Variants in FAT1 observed in about 807,000 individuals in gnomAD.
The protein encoded by FAT1 is FAT atypical cadherin 1.
Under a neutral mutation model 329.8 loss-of-function variants are expected in FAT1, and 171 were observed. The ratio of observed to expected loss-of-function variants is 0.52; its 90% CI spans 0.46 to 0.59. The LOEUF (loss-of-function observed/expected upper bound fraction) is 0.59, where lower values mean the gene tolerates loss of function less well. FAT1 is among the 20% of genes least tolerant of loss of function. The pLI is 0.00. For missense variants in FAT1, 5,672 were observed against 5,774.4 expected (o/e 0.98, Z 0.57); for synonymous variants, 2,233 against 2,228.6 (o/e 1.00, Z -0.06).
At chr4:186,640,578 TA>T (rs1464056411) in intron 3 of FAT1, among the ~76,000 whole-genome samples, 3 of 152,192 alleles carry the variant, frequency 2.0e-5, no homozygotes, top group Non-Finnish European at 2.9e-5. Flanking sequence ...AGAACTGTTA[TA>T]AAAAGTAATG....
At chr4:186,686,394 AAT>A (rs1440790818) in intron 2 of FAT1, among the ~76,000 whole-genome samples, 1 of 152,172 alleles carries the variant, frequency 6.6e-6, no homozygotes, top group Non-Finnish European at 1.5e-5. Context: ...TGAAGAATAA[AAT>A]ATGTGTCAAT....
At chr4:186,614,455 A>C in intron 11 of FAT1, 111 bp from the exon 12 acceptor site, 1 of 693,436 alleles carries the variant, frequency 1.4e-6, no homozygotes, top group Non-Finnish European at 2.1e-6. Context: ...AAACATGGGA[A>C]ATGACTAAAG....
rs947430382 is a variant in FAT1 at position 186,614,413 on chromosome 4, T to C, written c.9076-69A>G. The C allele has an allele frequency of 4.4e-5, 46 of 1,042,958 alleles. No homozygotes were observed. In the African/African-American group the frequency reaches 5.8e-4, roughly 13 times the overall value. 64.6% of individuals were successfully genotyped at this position (1,042,958 alleles called of 1,614,324 possible). The stretch of plus-strand genomic sequence containing the variant: ...GGCAGCACAAACATCAAGGGAATAA[T>C]GGAAAAGAAATCATTCATCTTTGAC... On this transcript the variant is annotated intron_variant, in intron 11 of 26. Coordinates refer to ENST00000441802, the MANE Select transcript of FAT1 (RefSeq NM_005245.4).
chr4:186,608,357 T>C (rs1278683001), intron 16 of FAT1, among the ~76,000 whole-genome samples: 3 of 152,186 alleles, frequency 2.0e-5, no homozygotes, highest in Non-Finnish European at 4.4e-5. Flanking sequence ...AAATGGTTGT[T>C]ATACTGCGGG....
At chr4:186,712,577 C>T (rs992345332) in intron 1 of FAT1, among the ~76,000 whole-genome samples, 1 of 152,066 alleles carries the variant, frequency 6.6e-6, no homozygotes, top group African/African-American at 2.4e-5. Flanking sequence ...AGAGTATATC[C>T]GATGCTGATA....
chr4:186,631,999 G>C (rs1740622664), intron 7 of FAT1, among the ~76,000 whole-genome samples: 1 of 151,072 alleles, frequency 6.6e-6, no homozygotes, highest in African/African-American at 2.4e-5. Context: ...CTGGGCTACT[G>C]TTCTCTTATA....
At chr4:186,677,971 A>G (rs552956222) in intron 2 of FAT1, among the ~76,000 whole-genome samples, 1 of 151,746 alleles carries the variant, frequency 6.6e-6, no homozygotes, top group Non-Finnish European at 1.5e-5. Context: ...GAATAACTGC[A>G]GTAGTTCTTA....
rs1560962387 is a variant in FAT1 at position 186,645,395 on chromosome 4, ATATATATATATATATATATATATATAT to A, written c.3581-5639_3581-5613del. Reference sequence around the variant, plus strand: ...TATATATATATATATATATATATATATATATATATATATATATATATATATATGCCTGTAAAAAACTGAGATATATCC... The same window carrying A: ...TATATATATATATATATATATATATAGCCTGTAAAAAACTGAGATATATCC... On this transcript the variant is annotated intron_variant, in intron 3 of 26. Transcript: ENST00000441802. Among the ~76,000 whole-genome samples, 164 of 107,316 alleles carry A rather than the reference ATATATATATATATATATATATATATAT, an allele frequency of 1.5e-3. 5 individuals carry two copies. In the East Asian group the frequency reaches 0.026, roughly 17 times the overall value. The allele number at this position is 107,316 out of a possible 152,430, so 70.4% of individuals were successfully genotyped here. A position where few individuals can be genotyped will look rare whatever the true frequency, so the allele number is the denominator to read the frequency against.
rs369649020 is a variant in FAT1 at position 186,603,570 on chromosome 4, C to T, written c.10956G>A (p.Pro3652=). The change falls in exon 19 of 27, where the codon CCG becomes CCA. Residue 3652 remains proline (P), a synonymous_variant. Transcript: ENST00000441802. ...GCCAGTAGTCACCAACGAATTCTTC[C>T]GGAGTGAGGTTGGCAAAGCGGATCG... ...TIAIRFANLT[P]EEFVGDYWRN... is the part of the protein sequence containing the mutation. The T allele has an allele frequency of 4.8e-5, 77 of 1,613,836 alleles. No homozygotes were observed. Among genetic ancestry groups the T allele is most frequent in the Middle Eastern group, 1.6e-4 (1 of 6,084 alleles).
intron 6 of FAT1, among the ~76,000 whole-genome samples, chr4:186,634,782 A>C (rs1373935349): frequency 6.6e-6 from 1 of 152,240 alleles, no homozygotes; most frequent in Non-Finnish European, 1.5e-5. Flanking sequence ...GATGTAAAAA[A>C]CTTCTCTAGC....
At position 186,639,719 on chromosome 4, in the gene FAT1, T is replaced by TA; in HGVS notation, c.3642+2dup. 4 of 1,598,896 alleles carry TA rather than the reference T, an allele frequency of 2.5e-6. No homozygotes were observed. Among genetic ancestry groups the TA allele is most frequent in the Non-Finnish European group, 2.6e-6 (3 of 1,173,484 alleles). ...AAGTATTAAAGATAAAAAAAAAACT[T>TA]ACCTCTAATATGTGTTCATCTTGCT... is the stretch of plus-strand genomic sequence containing the variant. On this transcript the variant is annotated splice_region_variant and intron_variant, in intron 4 of 26. Transcript: ENST00000441802.
Position 186,606,207 on chromosome 4 carries a change from C to T in FAT1, c.10213G>A (p.Gly3405Ser), listed in dbSNP as rs770423809. Residue 3405 changes from glycine to serine, a missense_variant, in exon 17 of 27, where the codon GGT becomes AGT. Physicochemically the swap from Gly to Ser is moderately conservative, Grantham distance 56. Around this residue, in one of 2 missense-constraint regions of FAT1, gnomAD observed 1,706 missense variants for 1,859.1 expected, o/e 0.92. Coordinates refer to ENST00000441802, the MANE Select transcript of FAT1 (RefSeq NM_005245.4). ...TKLLDRETIS[G>S]YTLTVQASDN... ...GAAGCTTGAACCGTGAGCGTGTAAC[C>T]TGAAATCTTTTCAGGCAAAAGACAG... is the stretch of plus-strand genomic sequence containing the variant. 3.1e-6 allele frequency: 5 copies of T among 1,612,654 alleles called. No individual in the cohort carries two copies. In the South Asian group the frequency reaches 4.4e-5, roughly 14 times the overall value.
intron 4 of FAT1, among the ~76,000 whole-genome samples, chr4:186,637,278 A>C (rs1740879309): frequency 6.6e-6 from 1 of 152,232 alleles, no homozygotes; most frequent in Non-Finnish European, 1.5e-5. Flanking sequence ...ATACGTGAAG[A>C]TTCTGCTTTA....
At position 186,597,664 on chromosome 4, in the gene FAT1, T is replaced by C. The variant is rs776652560; in HGVS notation, c.12368+18A>G. 3.1e-6 allele frequency: 5 copies of C among 1,598,154 alleles called. No individual in the cohort carries two copies. The highest frequency in any genetic ancestry group is 3.3e-5 in the Admixed American group (2 of 59,920). ...CTATGAAAAGGTATGAACCTAAATT[T>C]TGAAAGAAACCATTTACCTTTCTCC... is the stretch of plus-strand genomic sequence containing the variant. On this transcript the variant is annotated intron_variant, in intron 24 of 26. Transcript: ENST00000441802.
rs1738625289 is a variant in FAT1 at position 186,598,125 on chromosome 4, C to T, written c.12104G>A (p.Gly4035Asp). 1.3e-6 allele frequency: 2 copies of T among 1,595,800 alleles called. No individual in the cohort carries two copies. The highest frequency in any genetic ancestry group is 1.7e-6 in the Non-Finnish European group (2 of 1,174,606). Residue 4035 changes from glycine (G) to aspartate (D), a missense_variant and splice_region_variant, in exon 23 of 27, where the codon GGT (glycine) becomes GAT (aspartate). By Grantham distance (94) the Gly-to-Asp change is moderately conservative. Coordinates refer to ENST00000441802, the MANE Select transcript of FAT1 (RefSeq NM_005245.4). ...CAAGGCACTGCATTTGCAGTAATAA[C>T]CTAAATCGGCAAAAAGGAACAAAAA... ...GGVCNPSPAGGYYCKCSALYI... is the reference protein window; with the variant it reads ...GGVCNPSPAGDYYCKCSALYI...
In FAT1 at chr4:186,603,977, C is replaced by T. The variant is rs747198376; in HGVS notation, c.10549G>A (p.Val3517Met). Residue 3517 changes from valine (V) to methionine (M), a missense_variant and splice_region_variant, in exon 19 of 27, where the codon GTG (valine) becomes ATG (methionine). Around this residue, in one of 2 missense-constraint regions of FAT1, gnomAD observed 1,706 missense variants for 1,859.1 expected, o/e 0.92. Transcript: ENST00000441802. ...AACTGAGGCTTTCCATTATCTGCCACCTACAAGAAAAGAAAAATAAAATCA... is the reference window on the plus strand; with the variant it reads ...AACTGAGGCTTTCCATTATCTGCCATCTACAAGAAAAGAAAAATAAAATCA... The part of the protein sequence containing the change: ...EKDHYLLQVK[V>M]ADNGKPQLSS... The T allele has an allele frequency of 6.2e-7, 1 of 1,603,238 alleles. No homozygotes were observed. The highest frequency in any genetic ancestry group is 8.5e-7 in the Non-Finnish European group (1 of 1,171,830).
rs770498091 is a variant in FAT1 at position 186,589,094 on chromosome 4, G to GT, written c.13264dup (p.Thr4422AsnfsTer13). ...GTCGTAGCCTCCAGGGTAATAGTCC[G>GT]TATCGATGGCGTTTGGATCTGCTGA... is the stretch of plus-strand genomic sequence containing the variant. On this transcript the variant is annotated frameshift_variant, in exon 27 of 27. Coordinates refer to ENST00000441802, the MANE Select transcript of FAT1 (RefSeq NM_005245.4). LOFTEE classifies it high-confidence loss of function. 1.9e-5 allele frequency: 31 copies of GT among 1,613,836 alleles called. No homozygotes were observed. The highest frequency in any genetic ancestry group is 7.6e-6 in the Non-Finnish European group (9 of 1,179,898).
At chr4:186,661,507 G>A (rs1286350858) in intron 3 of FAT1, among the ~76,000 whole-genome samples, 2 of 152,200 alleles carry the variant, frequency 1.3e-5, no homozygotes, top group South Asian at 2.1e-4. Context: ...CGCTGAACAC[G>A]TGGAGGCTAC....
At chr4:186,704,011 G>A (rs935859213) in intron 2 of FAT1, among the ~76,000 whole-genome samples, 3 of 152,216 alleles carry the variant, frequency 2.0e-5, no homozygotes, top group Non-Finnish European at 4.4e-5. Context: ...GCCAAAAAAT[G>A]TATCTTGTAA....
Sources: gnomAD v4.1 joint callset for allele counts (sites outside exome capture counted in the v4.1 genomes callset) on GRCh38, gnomAD v4.1.1 for gene constraint, gnomAD v4.1.1 regional missense constraint, MANE v1.5 for transcripts, NCBI Gene and HGNC (gene_info 2026-07-23, HGNC 2026-07-21) for gene names.